The following CACNA1A variants were observed in gnomAD, a reference collection of about 807,000 sequenced individuals.
The protein encoded by CACNA1A is voltage-dependent P/Q-type calcium channel subunit alpha-1A.
Under a neutral mutation model 262.4 loss-of-function variants are expected in CACNA1A, and 57 were observed. The observed-to-expected ratio is 0.22, with a 90% CI of 0.18 to 0.27. The LOEUF (loss-of-function observed/expected upper bound fraction) is 0.27. Among genes scored for constraint, CACNA1A ranks in the 10% least tolerant of loss-of-function variants. The probability of loss-of-function intolerance (pLI) is 1.00; values close to 1 mark genes in which losing one functional copy is unlikely to be tolerated. For missense variants in CACNA1A, 2,526 were observed against 3,562.8 expected, an observed-to-expected ratio of 0.71 and a Z score of 7.41; for synonymous variants, 1,431 against 1,419.3, an observed-to-expected ratio of 1.01 and a Z score of -0.18.
At chr19:13,437,580 A>G (rs1488098209) in intron 3 of CACNA1A, among the ~76,000 whole-genome samples, 1 of 150,794 alleles carries the variant, frequency 6.6e-6, no homozygotes, top group African/African-American at 2.4e-5. Context: ...AATCCCAGCT[A>G]CTCAGGAGGC....
chr19:13,246,431 G>A (rs746844800), intron 30 of CACNA1A, among the ~76,000 whole-genome samples: 17 of 152,142 alleles, frequency 1.1e-4, no homozygotes, highest in Non-Finnish European at 1.9e-4. Flanking sequence ...TTGAATGGCA[G>A]CTACTCTGTG....
intron 3 of CACNA1A, among the ~76,000 whole-genome samples, chr19:13,414,227 TATAAAAATAA>T (rs1441041232): frequency 4.6e-5 from 7 of 151,944 alleles, no homozygotes; most frequent in African/African-American, 7.3e-5. Context: ...ACTCCTTCTC[TATAAAAATAA>T]ATAAAAATAA....
At chr19:13,291,985 G>T (rs925204956) in intron 19 of CACNA1A, among the ~76,000 whole-genome samples, 2 of 152,112 alleles carry the variant, frequency 1.3e-5, no homozygotes, top group South Asian at 4.2e-4. Flanking sequence ...ATTAGGATGC[G>T]AACAGCAGAG....
intron 3 of CACNA1A, among the ~76,000 whole-genome samples, chr19:13,431,838 C>T (rs1464219997): frequency 1.3e-5 from 2 of 151,914 alleles, no homozygotes; most frequent in Admixed American, 6.6e-5. Context: ...TGAGGCCGGG[C>T]GTGGTGGCCC....
intron 3 of CACNA1A, among the ~76,000 whole-genome samples, chr19:13,411,255 T>C (rs1490664553): frequency 6.6e-6 from 1 of 152,194 alleles, no homozygotes; most frequent in Admixed American, 6.5e-5. Flanking sequence ...CCCATTTTAT[T>C]TGATGGCAAA....
chr19:13,363,866 A>G (rs1432949322), intron 5 of CACNA1A: 1 of 152,280 alleles, frequency 6.6e-6, no homozygotes, highest in East Asian at 1.9e-4. Context: ...CCAGTGGTCC[A>G]AATACTGAAA....
At chr19:13,435,140 G>A (rs973977456) in intron 3 of CACNA1A, among the ~76,000 whole-genome samples, 9 of 151,074 alleles carry the variant, frequency 6.0e-5, no homozygotes, top group Non-Finnish European at 1.0e-4. Flanking sequence ...TTGAGATGGA[G>A]TCTCACTCTG....
chr19:13,272,206 G>A (rs2057037819), intron 24 of CACNA1A: 1 of 152,256 alleles, frequency 6.6e-6, no homozygotes, highest in South Asian at 2.1e-4. Flanking sequence ...TCACTGGGAG[G>A]ATTCACAGGA....
intron 20 of CACNA1A, 127 bp downstream of exon 20, chr19:13,286,376 G>A: frequency 2.1e-6 from 1 of 485,382 alleles, no homozygotes. Context: ...CTACGCCTAT[G>A]CCCATTTTCC....
Position 13,207,293 on chromosome 19 carries a change from G to T in CACNA1A, c.*20C>A. 6.5e-7 allele frequency: 1 copy of T among 1,537,400 alleles called. No homozygotes were observed. The highest frequency in any genetic ancestry group is 2.5e-5 in the East Asian group (1 of 40,574). On this transcript the variant is annotated 3_prime_UTR_variant, in exon 47 of 47. Coordinates refer to ENST00000360228, the MANE Select transcript of CACNA1A (RefSeq NM_001127222.2). This position sits in a 1 kb window ranked among gnomAD's most constrained non-coding sequence, Gnocchi z 5.7. The stretch of plus-strand genomic sequence containing the variant: ...GCGTGGGGTGCGTGGGGGGCCGGGC[G>T]GGCGCCACCTCGCCCGGGCTTAGCA...
At chr19:13,330,198 G>T in intron 10 of CACNA1A, 46 bp downstream of exon 10, 1 of 1,384,044 alleles carries the variant, frequency 7.2e-7, no homozygotes. Context: ...TGTCTCTTGG[G>T]CGATAGGTGA....
rs539855779 is a variant in CACNA1A, at chr19:13,259,452, G to A, written c.4388+112C>T. On this transcript the variant is annotated intron_variant, in intron 27 of 46. Transcript: ENST00000360228. ...CTCCTAAAGTGTTGGGATTACAGGCGTGAGCCACCATGCCCGGCCTCCAAG... is the reference window on the plus strand; with the variant it reads ...CTCCTAAAGTGTTGGGATTACAGGCATGAGCCACCATGCCCGGCCTCCAAG... 2.1e-5 allele frequency: 21 copies of A among 999,836 alleles called. No individual in the cohort carries two copies. The African/African-American group carries it at 2.5e-4, about 12-fold the overall frequency. 61.9% of individuals were successfully genotyped at this position (999,836 alleles called of 1,614,324 possible). A position where few individuals can be genotyped will look rare whatever the true frequency, so the allele number is the denominator to read the frequency against.
At chr19:13,268,070 CTG>C (rs2056909948) in intron 24 of CACNA1A, among the ~76,000 whole-genome samples, 1 of 152,060 alleles carries the variant, frequency 6.6e-6, no homozygotes, top group Non-Finnish European at 1.5e-5. Context: ...GGGCAAGACT[CTG>C]TCTCTTAAAA....
At chr19:13,433,551 C>T (rs1043952438) in intron 3 of CACNA1A, among the ~76,000 whole-genome samples, 11 of 150,642 alleles carry the variant, frequency 7.3e-5, no homozygotes, top group Admixed American at 4.7e-4. Context: ...TGGATCAGGG[C>T]CTGCATTGTG....
At chr19:13,466,053 T>C (rs1041306182) in intron 1 of CACNA1A, among the ~76,000 whole-genome samples, 4 of 152,034 alleles carry the variant, frequency 2.6e-5, no homozygotes, top group Non-Finnish European at 5.9e-5. Context: ...CAAGGTCTCC[T>C]TTAGGGGTGG....
chr19:13,404,181 TAC>T (rs59967641), intron 3 of CACNA1A, among the ~76,000 whole-genome samples: 7,446 of 150,744 alleles, frequency 0.049, 525 homozygotes, highest in African/African-American at 0.16. Flanking sequence ...TATATATATA[TAC>T]ACATATACAC....
rs1404562297 is a variant in CACNA1A at position 13,286,675 on chromosome 19, G to A, written c.3381C>T (p.Asn1127=). The A allele has an allele frequency of 6.4e-7, 1 of 1,567,224 alleles. No homozygotes were observed. The highest frequency in any genetic ancestry group is 8.7e-7 in the Non-Finnish European group (1 of 1,155,594). ...QNAASRRTPN[N]PGNPSNPGPP... is the part of the protein sequence containing the mutation. ...GGCCGGGATTGGATGGGTTCCCCGG[G>A]TTGTTGGGCGTCCGGCGGCTGGCGG... The change falls in exon 20 of 47, where the codon AAC becomes AAT. Residue 1127 remains asparagine, a synonymous_variant. Coordinates refer to ENST00000360228, the MANE Select transcript of CACNA1A (RefSeq NM_001127222.2).
intron 10 of CACNA1A, among the ~76,000 whole-genome samples, chr19:13,328,758 T>C (rs1245751395): frequency 1.3e-5 from 2 of 151,988 alleles, no homozygotes; most frequent in African/African-American, 4.8e-5. Context: ...CCCTACGAGA[T>C]ATGTGATCGC....
intron 10 of CACNA1A, among the ~76,000 whole-genome samples, chr19:13,322,039 T>C (rs555099837): frequency 8.0e-4 from 122 of 151,784 alleles, no homozygotes; most frequent in African/African-American, 2.9e-3. Flanking sequence ...CCGTATCTAC[T>C]AAAAATACAA....
Sources: allele counts gnomAD v4.1 joint callset (sites outside exome capture counted in the v4.1 genomes callset), GRCh38; gene constraint gnomAD v4.1.1; non-coding constraint Gnocchi (gnomAD v3.1); transcripts MANE v1.5; gene names NCBI Gene and HGNC (gene_info 2026-07-23, HGNC 2026-07-21).